Variants in KLHL22 observed in about 807,000 individuals in gnomAD.
KLHL22 encodes kelch-like protein 22.
Under a neutral mutation model 60.7 loss-of-function variants are expected in KLHL22, and 18 were observed. The observed-to-expected ratio is 0.30, with a 90% CI of 0.20 to 0.44. KLHL22 has a LOEUF of 0.44. KLHL22 is among the 20% of genes least tolerant of loss of function. The probability of loss-of-function intolerance (pLI) is 1.00; values close to 1 mark genes in which losing one functional copy is unlikely to be tolerated. For synonymous variants in KLHL22, 355 were observed against 354.5 expected (o/e 1.00, Z -0.01); for missense variants, 596 against 852.3 (o/e 0.70, Z 3.74).
intron 5 of KLHL22, chr22:20,451,634 T>G: frequency 6.2e-7 from 1 of 1,605,794 alleles, no homozygotes; most frequent in Non-Finnish European, 8.5e-7. Flanking sequence ...GCCACCAGTA[T>G]GACCACTCCA....
At chr22:20,469,434 C>A (rs2146231615) in intron 3 of KLHL22, among the ~76,000 whole-genome samples, 1 of 151,890 alleles carries the variant, frequency 6.6e-6, no homozygotes, top group Middle Eastern at 3.4e-3. Flanking sequence ...TGGACCTGAG[C>A]CATGCTGGGG....
Position 20,484,116 on chromosome 22 carries a change from G to A in KLHL22, c.227+4869C>T, listed in dbSNP as rs2053549187. On this transcript the variant is annotated intron_variant, in intron 2 of 6. Coordinates refer to ENST00000328879, the MANE Select transcript of KLHL22 (RefSeq NM_032775.4). ...AGTGGTGAAGCTCATGCTGTCCGGG[G>A]AGGAGAGCAAGAGGACAGGACTCAG... is the stretch of plus-strand genomic sequence containing the variant. 1.2e-5 allele frequency: 10 copies of A among 814,762 alleles called. No homozygotes were observed. In the South Asian group the frequency reaches 1.3e-4, roughly 11 times the overall value. 50.5% of individuals were successfully genotyped at this position (814,762 alleles called of 1,614,324 possible). A position where few individuals can be genotyped will look rare whatever the true frequency, so the allele number is the denominator to read the frequency against.
rs1257662798 is a variant in KLHL22, at chr22:20,442,132, C to T, written c.1846G>A (p.Ala616Thr). 6.5e-7 allele frequency: 1 copy of T among 1,534,912 alleles called. No homozygotes were observed. The highest frequency in any genetic ancestry group is 8.8e-7 in the Non-Finnish European group (1 of 1,139,662). Residue 616 changes from alanine to threonine, a missense_variant, in exon 7 of 7, where the codon GCC becomes ACC. Transcript: ENST00000328879. ...TCAGACACACTCATCACCTCAGAGG[C>T]AAAGTCCGGGTCGGCCTGGCTGCGG... The part of the protein sequence containing the change: ...PDRSQADPDF[A>T]SEVMSVSDWE...
chr22:20,492,354 A>G (rs4821372), intron 1 of KLHL22, among the ~76,000 whole-genome samples: 135,135 of 152,072 alleles, frequency 0.89, 60,230 homozygotes, highest in African/African-American at 0.96. Flanking sequence ...TGCCCCTACC[A>G]GTTTCCCTAC....
chr22:20,489,853 C>A (rs1433227982), intron 1 of KLHL22: 1 of 467,958 alleles, frequency 2.1e-6, no homozygotes, highest in East Asian at 7.0e-5. Flanking sequence ...CTTTCCTTTA[C>A]TGAAATTCTG....
rs2052775905 is a variant in KLHL22, at chr22:20,442,413, C to T, written c.1565G>A (p.Gly522Glu). The change falls in exon 7 of 7, where the codon GGA (glycine) becomes GAA (glutamate). Residue 522 changes from glycine to glutamate, a missense_variant. Coordinates refer to ENST00000328879, the MANE Select transcript of KLHL22 (RefSeq NM_032775.4). ...HQVACYSCTS[G>E]QWSSVCPLPA... ...GAGTGGGCAGACAGATGACCACTGT[C>T]CAGACGTGCAGCTGTAGCAGGCCAC... is the stretch of plus-strand genomic sequence containing the variant. The T allele has an allele frequency of 1.2e-6, 2 of 1,604,450 alleles. No homozygotes were observed. Among genetic ancestry groups the T allele is most frequent in the Non-Finnish European group, 1.7e-6 (2 of 1,173,756 alleles).
At chr22:20,488,788 A>G (rs894113476) in intron 2 of KLHL22, 197 bp downstream of exon 2, 2 of 598,052 alleles carry the variant, frequency 3.3e-6, no homozygotes, top group East Asian at 2.8e-5. Context: ...AAAGCCCAAG[A>G]AACAGGATCA....
At chr22:20,479,585 T>C (rs926974194) in intron 2 of KLHL22, among the ~76,000 whole-genome samples, 1 of 152,078 alleles carries the variant, frequency 6.6e-6, no homozygotes, top group Admixed American at 6.6e-5. Flanking sequence ...TGCATGCCTA[T>C]AGTCCCAGCT....
intron 1 of KLHL22, among the ~76,000 whole-genome samples, 183 bp from the exon 2 acceptor site, chr22:20,489,427 C>T (rs2053645679): frequency 6.6e-6 from 1 of 152,172 alleles, no homozygotes; most frequent in African/African-American, 2.4e-5. Context: ...TTCCTGATGG[C>T]CTTCTTCCTG....
At chr22:20,484,519 T>G (rs531060381) in intron 2 of KLHL22, among the ~76,000 whole-genome samples, 11 of 152,276 alleles carry the variant, frequency 7.2e-5, no homozygotes, top group African/African-American at 2.6e-4. Flanking sequence ...GGTCTTGAAC[T>G]CCTGGCCTCA....
chr22:20,491,406 G>C (rs528088183), intron 1 of KLHL22: 11 of 152,294 alleles, frequency 7.2e-5, no homozygotes, highest in African/African-American at 2.6e-4. Flanking sequence ...GCCTGCCTTG[G>C]CCTTTCCTGT....
intron 4 of KLHL22, among the ~76,000 whole-genome samples, chr22:20,462,587 T>C (rs1432004040): frequency 6.6e-6 from 1 of 151,680 alleles, no homozygotes; most frequent in Non-Finnish European, 1.5e-5. Context: ...CTTGAACTCC[T>C]GGGCTCAAAA....
chr22:20,491,939 A>C (rs2053698753), intron 1 of KLHL22: 2 of 151,912 alleles, frequency 1.3e-5, no homozygotes, highest in Non-Finnish European at 2.9e-5. Flanking sequence ...CATCTTTCTC[A>C]CCAAGGCCCC....
chr22:20,464,715 T>C, intron 4 of KLHL22, 143 bp downstream of exon 4: 1 of 616,076 alleles, frequency 1.6e-6, no homozygotes, highest in East Asian at 2.7e-5. Context: ...CCACCTTCTC[T>C]GAATTCACCT....
intron 2 of KLHL22, chr22:20,488,679 T>TCAGGGAGGGGAGGGGCGGGGAGAGG: frequency 4.7e-6 from 1 of 214,840 alleles, no homozygotes; most frequent in African/African-American, 4.4e-5. Context: ...GGAGGAATGG[T>TCAGGGAGGGGAGGGGCGGGGAGAGG]AAGGGAGGGG....
At chr22:20,460,632 A>C (rs2053139060) in intron 4 of KLHL22, among the ~76,000 whole-genome samples, 3 of 148,346 alleles carry the variant, frequency 2.0e-5, no homozygotes, top group South Asian at 2.1e-4. Flanking sequence ...AAAAAAAAAA[A>C]AAAAAAAAAA....
chr22:20,457,715 G>A (rs924801847), intron 5 of KLHL22, 93 bp downstream of exon 5: 7 of 957,992 alleles, frequency 7.3e-6, no homozygotes, highest in Non-Finnish European at 7.9e-6. Context: ...TCTCTGACCT[G>A]GGACAGGCCT....
intron 2 of KLHL22, among the ~76,000 whole-genome samples, chr22:20,477,495 A>G (rs564066133): frequency 6.6e-6 from 1 of 152,292 alleles, no homozygotes; most frequent in African/African-American, 2.4e-5. Context: ...AATTCCATCA[A>G]TTTGAAATGC....
intron 6 of KLHL22, among the ~76,000 whole-genome samples, 165 bp downstream of exon 6, chr22:20,446,278 G>T (rs1277964707): frequency 6.6e-6 from 1 of 152,132 alleles, no homozygotes; most frequent in Non-Finnish European, 1.5e-5. Flanking sequence ...GGGAAAAGGG[G>T]GTGTATGGAA....
Sources: allele counts gnomAD v4.1 joint callset (sites outside exome capture counted in the v4.1 genomes callset), GRCh38; gene constraint gnomAD v4.1.1; transcripts MANE v1.5; gene names NCBI Gene and HGNC (gene_info 2026-07-23, HGNC 2026-07-21).